The following MTMR11 variants were observed in gnomAD, a reference collection of about 807,000 sequenced individuals.
MTMR11 encodes the protein myotubularin-related protein 11.
In MTMR11, 89 loss-of-function variants were observed where a neutral mutation model predicts 100.0. The observed-to-expected ratio is 0.89, with a 90% CI of 0.75 to 1.06. MTMR11 has a LOEUF of 1.06. Among genes scored for constraint, MTMR11 ranks in the 50% least tolerant of loss-of-function variants. MTMR11 has a pLI of 0.00. For missense variants in MTMR11, 809 were observed against 873.7 expected (o/e 0.93, Z 0.93); for synonymous variants, 336 against 326.3 (o/e 1.03, Z -0.32).
intron 10 of MTMR11, among the ~76,000 whole-genome samples, chr1:149,932,957 CT>C (rs201894021): frequency 3.7e-4 from 51 of 136,886 alleles, no homozygotes; most frequent in East Asian, 4.4e-4. Context: ...TCTCATCTGC[CT>C]TTTTTTTTTT....
At chr1:149,936,506 T>G (rs2092724257) in intron 1 of MTMR11, 76 bp downstream of exon 1, 1 of 1,303,022 alleles carries the variant, frequency 7.7e-7, no homozygotes, top group Non-Finnish European at 1.1e-6. Flanking sequence ...TCTAGAGCCT[T>G]TGCTTCCCCC....
Position 149,934,502 on chromosome 1 carries a change from T to C in MTMR11, c.493A>G (p.Arg165Gly). The C allele has an allele frequency of 6.2e-7, 1 of 1,614,270 alleles. No individual in the cohort carries two copies. The highest frequency in any genetic ancestry group is 2.2e-5 in the East Asian group (1 of 44,890). The stretch of plus-strand genomic sequence containing the variant: ...TGTTGGGCTTGATTGCTCTGAGCTC[T>C]GGCTTGGACAATGGCCATGGTCACC... ...FQVTMAIVQA[R>G]AQSNQAQQYS... The change falls in exon 6 of 17, where the codon AGA becomes GGA. Residue 165 changes from arginine to glycine, a missense_variant. Arg to Gly is a moderately radical substitution (Grantham distance 125, BLOSUM62 -2). Coordinates refer to ENST00000439741, the MANE Select transcript of MTMR11 (RefSeq NM_001145862.2).
At chr1:149,936,058 C>A in intron 2 of MTMR11, 96 bp downstream of exon 2, 1 of 1,348,946 alleles carries the variant, frequency 7.4e-7, no homozygotes, top group East Asian at 2.3e-5. Flanking sequence ...CTTCGAGCCA[C>A]GAGAGGAACA....
Position 149,933,682 on chromosome 1 carries a change from T to C in MTMR11, c.788A>G (p.His263Arg). Reference sequence around the variant, plus strand: ...GCGGAGAAGATCACTGCCCCCAGGGTGATGCCAGGACAAGCGCTTCACATG... The same window carrying C: ...GCGGAGAAGATCACTGCCCCCAGGGCGATGCCAGGACAAGCGCTTCACATG... ...QGRGPRLSWH[H>R]PGGSDLLRCG... is the part of the protein sequence containing the mutation. The change falls in exon 9 of 17, where the codon CAC (histidine) becomes CGC (arginine). Residue 263 changes from histidine to arginine, a missense_variant. Transcript: ENST00000439741. 1 of 1,614,092 alleles carries C rather than the reference T, an allele frequency of 6.2e-7. No individual in the cohort carries two copies. The highest frequency in any genetic ancestry group is 8.5e-7 in the Non-Finnish European group (1 of 1,180,018).
rs1248025273 is a variant in MTMR11, at chr1:149,936,795, C to T, written c.-148G>A. On this transcript the variant is annotated 5_prime_UTR_variant, in exon 1 of 17. Coordinates refer to ENST00000439741, the MANE Select transcript of MTMR11 (RefSeq NM_001145862.2). ...GGACACAAGGGAAAGGAGCATTTGA[C>T]GTGCACGGAGCAGAGTTTGGGGGTC... is the stretch of plus-strand genomic sequence containing the variant. 15 of 661,934 alleles carry T rather than the reference C, an allele frequency of 2.3e-5. No homozygotes were observed. Among genetic ancestry groups the T allele is most frequent in the East Asian group, 2.0e-4 (7 of 35,298 alleles). The allele number at this position is 661,934 out of a possible 1,614,324, so 41.0% of individuals were successfully genotyped here. A position where few individuals can be genotyped will look rare whatever the true frequency, so the allele number is the denominator to read the frequency against.
chr1:149,934,943 G>T, intron 5 of MTMR11, 43 bp downstream of exon 5: 1 of 1,594,766 alleles, frequency 6.3e-7, no homozygotes. Flanking sequence ...AGGATCCCAA[G>T]GTTCTGAGGT....
Position 149,928,822 on chromosome 1 carries a change from G to T in MTMR11, c.*307C>A, listed in dbSNP as rs2092614528. 3 of 1,564,270 alleles carry T rather than the reference G, an allele frequency of 1.9e-6. No homozygotes were observed. The highest frequency in any genetic ancestry group is 1.8e-6 in the Non-Finnish European group (2 of 1,135,458). On this transcript the variant is annotated 3_prime_UTR_variant, in exon 17 of 17. Coordinates refer to ENST00000439741, the MANE Select transcript of MTMR11 (RefSeq NM_001145862.2). ...AGGCGAGGTGAGAATGCGATTTCTA[G>T]GCCATCTTGTTGGGACTGATGAACA...
In MTMR11 at chr1:149,930,900, A is replaced by C. The variant is rs1571541134; in HGVS notation, c.1356T>G (p.Phe452Leu). ...CAAGAAGGAAAAACTCAGAGAATTCAAAATCAGCTGGAAACTGCTGGAGGA... is the reference window on the plus strand; with the variant it reads ...CAAGAAGGAAAAACTCAGAGAATTCCAAATCAGCTGGAAACTGCTGGAGGA... Reference protein sequence around the residue: ...WQLLQQFPADFEFSEFFLLAL... With the variant: ...WQLLQQFPADLEFSEFFLLAL... The change falls in exon 14 of 17, where the codon TTT becomes TTG. Residue 452 changes from phenylalanine (F) to leucine (L), a missense_variant. Physicochemically the swap from Phe to Leu is conservative, Grantham distance 22. Coordinates refer to ENST00000439741, the MANE Select transcript of MTMR11 (RefSeq NM_001145862.2). The C allele has an allele frequency of 6.2e-7, 1 of 1,613,522 alleles. No individual in the cohort carries two copies. Among genetic ancestry groups the C allele is most frequent in the Non-Finnish European group, 8.5e-7 (1 of 1,179,764 alleles).
In MTMR11 at chr1:149,930,876, A is replaced by G. The variant is rs782711444; in HGVS notation, c.1380T>C (p.Leu460=). 3.1e-6 allele frequency: 5 copies of G among 1,613,554 alleles called. No individual in the cohort carries two copies. In the South Asian group the frequency reaches 5.5e-5, roughly 18 times the overall value. The change falls in exon 14 of 17, where the codon CTT becomes CTC. Residue 460 remains leucine, a synonymous_variant. Transcript: ENST00000439741. ...ADFEFSEFFL[L]ALHDSVRVPD... is the part of the protein sequence containing the mutation. Reference sequence around the variant, plus strand: ...GAACCCTGACACTGTCATGAAGAGCAAGAAGGAAAAACTCAGAGAATTCAA... The same window carrying G: ...GAACCCTGACACTGTCATGAAGAGCGAGAAGGAAAAACTCAGAGAATTCAA...
rs1553766763 is a variant in MTMR11, at chr1:149,929,155, C to T, written c.2104G>A (p.Gly702Ser). Residue 702 changes from glycine (G) to serine (S), a missense_variant, in exon 17 of 17, where the codon GGC becomes AGC. Transcript: ENST00000439741. ...TACCCCAGATCCCCCTCTGCCCTGC[C>T]TTTGAGAATGCCAGCAATTTCAGTG... ...NPTEIAGILK[G>S]RAEGDLG The T allele has an allele frequency of 4.3e-6, 7 of 1,613,608 alleles. No individual in the cohort carries two copies. The highest frequency in any genetic ancestry group is 5.1e-6 in the Non-Finnish European group (6 of 1,179,910).
intron 1 of MTMR11, 83 bp downstream of exon 1, chr1:149,936,499 A>G: frequency 7.8e-7 from 1 of 1,280,774 alleles, no homozygotes; most frequent in South Asian, 1.3e-5. Flanking sequence ...CTCCTCCTCT[A>G]GAGCCTTTGC....
Position 149,935,322 on chromosome 1 carries a change from A to C in MTMR11, c.302T>G (p.Val101Gly), listed in dbSNP as rs138588206. ...PLNSEYDFALVNIGRLEAVSG... is the reference protein window; with the variant it reads ...PLNSEYDFALGNIGRLEAVSG... ...ACCAGCCTCTAATCGTCCAATGTTG[A>C]CCAGGGCAAAATCGTATTCACTGTT... Residue 101 changes from valine to glycine, a missense_variant, in exon 4 of 17, where the codon GTC becomes GGC. Physicochemically the swap from Val to Gly is moderately radical, Grantham distance 109. Coordinates refer to ENST00000439741, the MANE Select transcript of MTMR11 (RefSeq NM_001145862.2). 5 of 1,610,510 alleles carry C rather than the reference A, an allele frequency of 3.1e-6. No individual in the cohort carries two copies. The highest frequency in any genetic ancestry group is 4.6e-5 in the East Asian group (2 of 43,548).
In MTMR11 at chr1:149,929,728, A is replaced by G. The variant is rs782191173; in HGVS notation, c.1836T>C (p.His612=). Residue 612 remains histidine, a synonymous_variant, in exon 16 of 17, where the codon CAT becomes CAC. Transcript: ENST00000439741. ...CTGGAGGTAAAGGGCAAGCTCCCCA[A>G]TGTGAGGGGAGACCCCATTCCTGGT... The part of the protein sequence containing the change: ...LADQEWGLPS[H]WGACPLPPGL... 18 of 1,613,916 alleles carry G rather than the reference A, an allele frequency of 1.1e-5. No individual in the cohort carries two copies. The highest frequency in any genetic ancestry group is 3.3e-5 in the Admixed American group (2 of 59,998).
chr1:149,931,542 G>C lies in MTMR11; in HGVS notation c.1124-116C>G, dbSNP rs1180651072. 6 of 962,496 alleles carry C rather than the reference G, an allele frequency of 6.2e-6. No individual in the cohort carries two copies. The African/African-American group carries it at 8.3e-5, about 13-fold the overall frequency. The allele number at this position is 962,496 out of a possible 1,614,324, so 59.6% of individuals were successfully genotyped here. On this transcript the variant is annotated intron_variant, in intron 12 of 16. Coordinates refer to ENST00000439741, the MANE Select transcript of MTMR11 (RefSeq NM_001145862.2). ...TGAGAGGCACAGAGGGGAAAGGTTT[G>C]GGGTAGGAGGATTGAGAAAGCACAT... is the stretch of plus-strand genomic sequence containing the variant.
rs1279632826 is a variant in MTMR11 at position 149,934,669 on chromosome 1, A to C, written c.469-143T>G. On this transcript the variant is annotated intron_variant, in intron 5 of 16. Transcript: ENST00000439741. ...AGTCCCTAGAGAAGGGGGCTTCCTC[A>C]GGTCATGGGGACTGGGGTCGGGAGA... 1.1e-5 allele frequency: 10 copies of C among 899,410 alleles called. No individual in the cohort carries two copies. In the Admixed American group the frequency reaches 2.7e-4, roughly 24 times the overall value. 55.7% of individuals were successfully genotyped at this position (899,410 alleles called of 1,614,324 possible).
chr1:149,936,051 C>T (rs1407334041), intron 2 of MTMR11, 103 bp downstream of exon 2: 9 of 1,292,864 alleles, frequency 7.0e-6, no homozygotes, highest in Admixed American at 1.7e-5. Flanking sequence ...AGACGTACTT[C>T]GAGCCACGAG....
chr1:149,936,281 A>G (rs61807549), intron 1 of MTMR11, 52 bp from the exon 2 acceptor site: 51,305 of 1,608,288 alleles, frequency 0.032, 956 homozygotes, highest in Non-Finnish European at 0.037. Flanking sequence ...AGGCTCCCCA[A>G]CTCCCCAGAG....
Position 149,929,154 on chromosome 1 carries a change from C to T in MTMR11, c.2105G>A (p.Gly702Asp), listed in dbSNP as rs375229439. ...CTACCCCAGATCCCCCTCTGCCCTG[C>T]CTTTGAGAATGCCAGCAATTTCAGT... ...NPTEIAGILK[G>D]RAEGDLG The change falls in exon 17 of 17, where the codon GGC becomes GAC. Residue 702 changes from glycine (G) to aspartate (D), a missense_variant. Transcript: ENST00000439741. The T allele has an allele frequency of 1.9e-6, 3 of 1,613,454 alleles. No individual in the cohort carries two copies. The African/African-American group carries it at 4.0e-5, about 22-fold the overall frequency.
chr1:149,932,957 CTT>C (rs201894021), intron 10 of MTMR11, among the ~76,000 whole-genome samples: 5 of 136,934 alleles, frequency 3.7e-5, no homozygotes, highest in Admixed American at 7.2e-5. Context: ...TCTCATCTGC[CTT>C]TTTTTTTTTT....
Sources: allele counts gnomAD v4.1 joint callset (sites outside exome capture counted in the v4.1 genomes callset), GRCh38; gene constraint gnomAD v4.1.1; transcripts MANE v1.5; gene names NCBI Gene and HGNC (gene_info 2026-07-23, HGNC 2026-07-21).